Variants in TNN observed in about 807,000 individuals in gnomAD.
TNN encodes the protein tenascin-N.
A neutral mutation model predicts 134.4 loss-of-function variants in TNN; 122 were observed. That is an observed-to-expected ratio of 0.91 (90% CI 0.78 to 1.06). The LOEUF is 1.06. Among genes scored for constraint, TNN ranks in the 50% least tolerant of loss-of-function variants. The probability of loss-of-function intolerance (pLI) is 0.00; values close to 1 mark genes in which losing one functional copy is unlikely to be tolerated. For missense variants in TNN, 1,739 were observed against 1,699.4 expected, an observed-to-expected ratio of 1.02 and a Z score of -0.41; for synonymous variants, 710 against 670.3, an observed-to-expected ratio of 1.06 and a Z score of -0.91.
At chr1:175,120,084 A>G (rs754815676) in intron 11 of TNN, among the ~76,000 whole-genome samples, 30 of 152,222 alleles carry the variant, frequency 2.0e-4, no homozygotes, top group Non-Finnish European at 3.4e-4. Context: ...TATAGGTTTG[A>G]CCGAATAGAC....
chr1:175,123,677 C>T lies in TNN; in HGVS notation c.2914+14C>T. On this transcript the variant is annotated intron_variant, in intron 12 of 18. Transcript: ENST00000239462. ...AGGCCCAGACAGGTACTGAGAGGGA[C>T]CAGGCCAGGGGAACACCTCACACTT... 3 of 1,613,816 alleles carry T rather than the reference C, an allele frequency of 1.9e-6. No individual in the cohort carries two copies. Among genetic ancestry groups the T allele is most frequent in the South Asian group, 1.1e-5 (1 of 91,058 alleles).
chr1:175,110,125 C>T (rs79069916), intron 9 of TNN, among the ~76,000 whole-genome samples: 4,106 of 152,154 alleles, frequency 0.027, 179 homozygotes, highest in African/African-American at 0.092. Context: ...AACATTTTTT[C>T]GTAAATGTTT....
chr1:175,095,504 ACT>A (rs1401287489), intron 7 of TNN, among the ~76,000 whole-genome samples: 1 of 151,934 alleles, frequency 6.6e-6, no homozygotes, highest in Non-Finnish European at 1.5e-5. Flanking sequence ...ATTACACGTG[ACT>A]CTCTGTTTAC....
In TNN at chr1:175,070,819, G is replaced by A. The variant is rs920532246; in HGVS notation, c.-36+2884G>A. 2.6e-5 allele frequency among the ~76,000 whole-genome samples: 4 copies of A among 152,296 alleles called. No individual in the cohort carries two copies. The East Asian group carries it at 7.7e-4, about 29-fold the overall frequency. ...CTAGTTCAAGGTGAGTTGAGCCAGG[G>A]TAGATTCCTCAGCCAGCTGAGAACT... is the stretch of plus-strand genomic sequence containing the variant. On this transcript the variant is annotated intron_variant, in intron 1 of 18. Transcript: ENST00000239462.
At chr1:175,135,710 T>TA (rs1371967892) in intron 15 of TNN, 135 bp from the exon 16 acceptor site, 2 of 676,418 alleles carry the variant, frequency 3.0e-6, no homozygotes, top group South Asian at 1.7e-5. Context: ...GACATATAAA[T>TA]AAAAAGCCTC....
At position 175,103,213 on chromosome 1, in the gene TNN, A is replaced by T. The variant is rs188268984; in HGVS notation, c.2119+4618A>T. On this transcript the variant is annotated intron_variant, in intron 9 of 18. Coordinates refer to ENST00000239462, the MANE Select transcript of TNN (RefSeq NM_022093.2). The stretch of plus-strand genomic sequence containing the variant: ...GAAAGGGGAGAAGCCATGTTGCCTA[A>T]CTCCAGAAGTTGGTATAAGAATTTG... 2.7e-4 allele frequency among the ~76,000 whole-genome samples: 39 copies of T among 146,594 alleles called. 2 individuals are homozygous for T. The highest frequency in any genetic ancestry group is 8.6e-4 in the African/African-American group (35 of 40,736).
At chr1:175,124,289 A>G (rs578137095) in intron 12 of TNN, among the ~76,000 whole-genome samples, 3 of 152,312 alleles carry the variant, frequency 2.0e-5, no homozygotes, top group South Asian at 4.1e-4. Context: ...TATGGTTTTT[A>G]TTAGTTAAAA....
intron 9 of TNN, among the ~76,000 whole-genome samples, chr1:175,106,107 C>G (rs1048169872): frequency 1.4e-5 from 2 of 145,502 alleles, no homozygotes; most frequent in Non-Finnish European, 3.1e-5. Flanking sequence ...TCCTAGACCA[C>G]AAGGAGGACC....
chr1:175,117,261 A>T, intron 10 of TNN, 56 bp downstream of exon 10: 1 of 1,592,996 alleles, frequency 6.3e-7, no homozygotes. Context: ...TCAGTGGATG[A>T]CAAGTTTTGT....
chr1:175,122,262 C>T (rs907113381), intron 11 of TNN, among the ~76,000 whole-genome samples: 1 of 151,748 alleles, frequency 6.6e-6, no homozygotes, highest in Non-Finnish European at 1.5e-5. Flanking sequence ...GTGGCATGCA[C>T]CTGTATTCCC....
chr1:175,128,542 C>T, intron 14 of TNN, 53 bp from the exon 15 acceptor site: 1 of 1,522,802 alleles, frequency 6.6e-7, no homozygotes, highest in Non-Finnish European at 8.8e-7. Context: ...AGAAACTCCA[C>T]CTCTTTCCTC....
intron 15 of TNN, among the ~76,000 whole-genome samples, chr1:175,131,449 C>T (rs1675671552): frequency 6.6e-6 from 1 of 151,846 alleles, no homozygotes; most frequent in Non-Finnish European, 1.5e-5. Flanking sequence ...TGTTTTTCTC[C>T]CTTTGAAACT....
chr1:175,134,550 AC>A (rs375327770), intron 15 of TNN, among the ~76,000 whole-genome samples: 23 of 150,002 alleles, frequency 1.5e-4, no homozygotes, highest in African/African-American at 4.9e-5. Flanking sequence ...ATCTCAAAAA[AC>A]AAACAAACAA....
At chr1:175,146,135 G>A (rs746546411) in intron 18 of TNN, among the ~76,000 whole-genome samples, 4 of 152,168 alleles carry the variant, frequency 2.6e-5, no homozygotes, top group Admixed American at 6.5e-5. Flanking sequence ...CAGGGAAGCT[G>A]GGGAGGGTGG....
intron 8 of TNN, among the ~76,000 whole-genome samples, 197 bp from the exon 9 acceptor site, chr1:175,098,135 C>T (rs1574151523): frequency 6.6e-6 from 1 of 152,256 alleles, no homozygotes; most frequent in East Asian, 1.9e-4. Flanking sequence ...GAAAGAATGC[C>T]TCATTTATAA....
intron 15 of TNN, among the ~76,000 whole-genome samples, chr1:175,131,884 T>C (rs1029488720): frequency 1.3e-5 from 2 of 149,872 alleles, no homozygotes; most frequent in African/African-American, 2.5e-5. Context: ...AGAATCATTT[T>C]TGGAAGCTTC....
chr1:175,127,218 C>G, intron 13 of TNN, 133 bp downstream of exon 13: 1 of 1,104,312 alleles, frequency 9.1e-7, no homozygotes, highest in South Asian at 1.5e-5. Context: ...GGTTGTACAT[C>G]TGCCCCGGGT....
rs1187056363 is a variant in TNN at position 175,116,926 on chromosome 1, T to C, written c.2120-13T>C. 1 of 1,581,688 alleles carries C rather than the reference T, an allele frequency of 6.3e-7. No homozygotes were observed. The highest frequency in any genetic ancestry group is 1.1e-5 in the South Asian group (1 of 89,932). On this transcript the variant is annotated splice_polypyrimidine_tract_variant and intron_variant, in intron 9 of 18. Transcript: ENST00000239462. Reference sequence around the variant, plus strand: ...GTTCATAGTGTTCATTGATCAGCAATTTTTTTTTTCAGACATTGACAGCCC... The same window carrying C: ...GTTCATAGTGTTCATTGATCAGCAACTTTTTTTTTCAGACATTGACAGCCC...
chr1:175,117,015 G>A lies in TNN; in HGVS notation c.2196G>A (p.Arg732=). 1 of 1,614,224 alleles carries A rather than the reference G, an allele frequency of 6.2e-7. No homozygotes were observed. Among genetic ancestry groups the A allele is most frequent in the Non-Finnish European group, 8.5e-7 (1 of 1,180,040 alleles). ...NMATVSWDPV[R]ATIDRYVVRY... ...CCACTGTCTCCTGGGACCCGGTGCG[G>A]GCCACCATTGACAGGTATGTGGTGC... Residue 732 remains arginine (R), a synonymous_variant, in exon 10 of 19, where the codon CGG becomes CGA. Transcript: ENST00000239462.
Sources: gnomAD v4.1 joint callset for allele counts (sites outside exome capture counted in the v4.1 genomes callset) on GRCh38, gnomAD v4.1.1 for gene constraint, MANE v1.5 for transcripts, NCBI Gene and HGNC (gene_info 2026-07-23, HGNC 2026-07-21) for gene names.